CAMK1D: variants seen among roughly 807,000 people sequenced by gnomAD.
CAMK1D encodes calcium/calmodulin-dependent protein kinase type 1D.
A neutral mutation model predicts 47.7 loss-of-function variants in CAMK1D; 9 were observed. The observed-to-expected ratio is 0.19, with a 90% CI of 0.11 to 0.33. The LOEUF (loss-of-function observed/expected upper bound fraction) is 0.33. Ranked by LOEUF, CAMK1D falls within the 10% of genes least tolerant of loss-of-function variation. The pLI is 1.00. For missense variants in CAMK1D, 291 were observed against 488.7 expected (o/e 0.60, Z 3.81); for synonymous variants, 184 against 184.9 (o/e 0.99, Z 0.04).
At chr10:12,547,648 C>CCCCT (rs1554786322) in intron 1 of CAMK1D, among the ~76,000 whole-genome samples, 13 of 101,098 alleles carry the variant, frequency 1.3e-4, no homozygotes, top group African/African-American at 6.1e-4. Context: ...CACCCCCCCC[C>CCCCT]CAACCCTGCA....
intron 2 of CAMK1D, among the ~76,000 whole-genome samples, chr10:12,615,651 A>C (rs1272253227): frequency 7.0e-6 from 1 of 142,386 alleles, no homozygotes; most frequent in Admixed American, 6.9e-5. Context: ...TTGTACAGGT[A>C]TGTGTTTATT....
intron 10 of CAMK1D, among the ~76,000 whole-genome samples, chr10:12,827,928 C>T (rs1319565656): frequency 3.9e-5 from 6 of 152,188 alleles, no homozygotes; most frequent in Admixed American, 3.3e-4. Context: ...GATCCACCCA[C>T]CTTGGCCTCC....
At chr10:12,450,856 A>G (rs1369840433) in intron 1 of CAMK1D, among the ~76,000 whole-genome samples, 1 of 152,202 alleles carries the variant, frequency 6.6e-6, no homozygotes, top group African/African-American at 2.4e-5. Flanking sequence ...AGAATAAAAG[A>G]AGGATGAAAA....
At chr10:12,708,310 T>C (rs969115314) in intron 3 of CAMK1D, among the ~76,000 whole-genome samples, 1 of 150,376 alleles carries the variant, frequency 6.6e-6, no homozygotes, top group African/African-American at 2.4e-5. Context: ...ACATGCTGTT[T>C]ATGAAAGAGA....
At chr10:12,378,754 T>C (rs1182250408) in intron 1 of CAMK1D, among the ~76,000 whole-genome samples, 1 of 151,944 alleles carries the variant, frequency 6.6e-6, no homozygotes, top group Non-Finnish European at 1.5e-5. Flanking sequence ...ACTTGCAAGG[T>C]TTTTTTCTCA....
intron 2 of CAMK1D, among the ~76,000 whole-genome samples, chr10:12,642,279 T>C (rs79796595): frequency 0.14 from 21,736 of 152,194 alleles, 2,095 homozygotes; most frequent in African/African-American, 0.27. Flanking sequence ...GAAGTCAGGG[T>C]CAAATGCCAT....
At chr10:12,757,852 C>CT (rs869125453) in intron 3 of CAMK1D, among the ~76,000 whole-genome samples, 15,334 of 91,306 alleles carry the variant, frequency 0.17, 1,480 homozygotes, top group African/African-American at 0.26. Flanking sequence ...GGGCCCTGCT[C>CT]TTTTTTTTTT....
intron 6 of CAMK1D, among the ~76,000 whole-genome samples, chr10:12,804,576 C>T (rs765828723): frequency 1.3e-5 from 2 of 148,544 alleles, no homozygotes; most frequent in Admixed American, 6.8e-5. Flanking sequence ...CCAGCCTGGG[C>T]GACAGAGTGA....
At position 12,811,881 on chromosome 10, in the gene CAMK1D, G is replaced by A. The variant is rs982153003; in HGVS notation, c.642-2314G>A. 3.3e-5 allele frequency among the ~76,000 whole-genome samples: 5 copies of A among 152,332 alleles called. No individual in the cohort carries two copies. The South Asian group carries it at 1.0e-3, about 32-fold the overall frequency. ...ATGGACAGACCCATCTTGGGGCTCC[G>A]GGATTTCCGTGGGCAGTGAACTATG... On this transcript the variant is annotated intron_variant, in intron 6 of 10. Coordinates refer to ENST00000619168, the MANE Select transcript of CAMK1D (RefSeq NM_153498.4).
At chr10:12,692,935 A>C (rs1374501349) in intron 3 of CAMK1D, among the ~76,000 whole-genome samples, 1 of 152,194 alleles carries the variant, frequency 6.6e-6, no homozygotes, top group Non-Finnish European at 1.5e-5. Flanking sequence ...AATGTGGCTG[A>C]GGTATGGTGC....
intron 3 of CAMK1D, among the ~76,000 whole-genome samples, chr10:12,722,250 CGG>C (rs1228101073): frequency 2.6e-5 from 4 of 151,708 alleles, no homozygotes; most frequent in Admixed American, 1.3e-4. Context: ...GAGACCATCC[CGG>C]GGATAACACA....
At chr10:12,632,973 C>T (rs1839422521) in intron 2 of CAMK1D, among the ~76,000 whole-genome samples, 1 of 152,068 alleles carries the variant, frequency 6.6e-6, no homozygotes, top group South Asian at 2.1e-4. Context: ...GATTACAGGC[C>T]TGAGCCACGG....
intron 6 of CAMK1D, among the ~76,000 whole-genome samples, chr10:12,795,403 C>T (rs1838155312): frequency 6.6e-6 from 1 of 152,150 alleles, no homozygotes; most frequent in South Asian, 2.1e-4. Flanking sequence ...TGCCTGGTCT[C>T]CCATTCCCAC....
intron 3 of CAMK1D, among the ~76,000 whole-genome samples, chr10:12,681,735 A>AC (rs1832447462): frequency 6.6e-6 from 1 of 152,238 alleles, no homozygotes; most frequent in African/African-American, 2.4e-5. Context: ...GTCAACAAAT[A>AC]CCCCATATTT....
rs921628653 is a variant in CAMK1D, at chr10:12,829,459, T to G, written c.*572T>G. 2 of 152,240 alleles carry G rather than the reference T, an allele frequency of 1.3e-5. No homozygotes were observed. Among genetic ancestry groups the G allele is most frequent in the Admixed American group, 6.5e-5 (1 of 15,268 alleles). The allele number at this position is 152,240 out of a possible 1,614,324, so 9.4% of individuals were successfully genotyped here. A position where few individuals can be genotyped will look rare whatever the true frequency, so the allele number is the denominator to read the frequency against. ...AATTCTAATAAGAGGATCAGCCGGG[T>G]GCAATGACTCATGCCTGTAATCCCA... is the stretch of plus-strand genomic sequence containing the variant. On this transcript the variant is annotated 3_prime_UTR_variant, in exon 11 of 11. Coordinates refer to ENST00000619168, the MANE Select transcript of CAMK1D (RefSeq NM_153498.4).
chr10:12,589,537 C>G (rs187773641), intron 2 of CAMK1D, among the ~76,000 whole-genome samples: 1 of 152,164 alleles, frequency 6.6e-6, no homozygotes, highest in Non-Finnish European at 1.5e-5. Context: ...TTGGATGATA[C>G]CAGCAGAGCT....
chr10:12,715,769 G>A (rs1031725551), intron 3 of CAMK1D, among the ~76,000 whole-genome samples: 46 of 147,974 alleles, frequency 3.1e-4, no homozygotes, highest in Admixed American at 4.8e-4. Flanking sequence ...CGCCCAGGCT[G>A]GAGTGCAGTG....
intron 1 of CAMK1D, among the ~76,000 whole-genome samples, chr10:12,374,779 T>C (rs1258862702): frequency 6.6e-6 from 1 of 151,952 alleles, no homozygotes; most frequent in Non-Finnish European, 1.5e-5. Context: ...TTGTCTCTAC[T>C]AAAGATACAA....
At chr10:12,571,453 C>CAAAAAAAA (rs766454210) in intron 2 of CAMK1D, among the ~76,000 whole-genome samples, 5 of 89,712 alleles carry the variant, frequency 5.6e-5, no homozygotes, top group Non-Finnish European at 8.3e-5. Flanking sequence ...GACTCCATCA[C>CAAAAAAAA]AAAAAAAAAA....
Sources: gnomAD v4.1 joint callset for allele counts (sites outside exome capture counted in the v4.1 genomes callset) on GRCh38, gnomAD v4.1.1 for gene constraint, MANE v1.5 for transcripts, NCBI Gene and HGNC (gene_info 2026-07-23, HGNC 2026-07-21) for gene names.